Variants in VPS35L observed in about 807,000 individuals in gnomAD.
VPS35L encodes VPS35 endosomal protein-sorting factor-like.
In VPS35L, 83 loss-of-function variants were observed where a neutral mutation model predicts 133.0. The observed-to-expected ratio is 0.62, with a 90% CI of 0.52 to 0.75. VPS35L has a LOEUF of 0.75. Among genes scored for constraint, VPS35L ranks in the 30% least tolerant of loss-of-function variants. The pLI is 0.00. For missense variants in VPS35L, 1,083 were observed against 1,206.8 expected, an observed-to-expected ratio of 0.90 and a Z score of 1.52; for synonymous variants, 423 against 449.9, an observed-to-expected ratio of 0.94 and a Z score of 0.76.
In VPS35L at chr16:19,570,870, T is replaced by C. The variant is rs1438800976; in HGVS notation, c.285+1279T>C. 8.2e-5 allele frequency among the ~76,000 whole-genome samples: 7 copies of C among 85,406 alleles called. 1 individual carries two copies. Among genetic ancestry groups the C allele is most frequent in the African/African-American group, 3.6e-4 (6 of 16,728 alleles). 56.0% of individuals were successfully genotyped at this position (85,406 alleles called of 152,430 possible). ...ATATATATATATATATATATATATA[T>C]ATATATATATATATATATATTTTTG... On this transcript the variant is annotated intron_variant, in intron 3 of 30. Transcript: ENST00000417362.
intron 28 of VPS35L, among the ~76,000 whole-genome samples, chr16:19,683,134 G>A (rs897571295): frequency 6.6e-6 from 1 of 151,780 alleles, no homozygotes; most frequent in Non-Finnish European, 1.5e-5. Flanking sequence ...ACCATGTTAC[G>A]CTGGTCTCAA....
At chr16:19,683,874 C>T (rs62024111) in intron 28 of VPS35L, among the ~76,000 whole-genome samples, 6,662 of 152,266 alleles carry the variant, frequency 0.044, 256 homozygotes, top group East Asian at 0.12. Context: ...GAGAAATCTC[C>T]AAAACTGCTT....
chr16:19,581,683 C>CCCACA, intron 7 of VPS35L, 30 bp downstream of exon 7: 1 of 1,607,676 alleles, frequency 6.2e-7, no homozygotes, highest in Non-Finnish European at 8.5e-7. Flanking sequence ...CACCCCCACC[C>CCCACA]AGAATTTCCT....
rs1164270968 is a variant in VPS35L at position 19,691,353 on chromosome 16, T to C, written c.2528T>C (p.Val843Ala). 2 of 1,611,840 alleles carry C rather than the reference T, an allele frequency of 1.2e-6. No individual in the cohort carries two copies. Among genetic ancestry groups the C allele is most frequent in the Non-Finnish European group, 1.7e-6 (2 of 1,178,054 alleles). Reference protein sequence around the residue: ...QETYLYHIDKVDSNDSLYGGD... With the variant: ...QETYLYHIDKADSNDSLYGGD... ...CTCACTGTTCTTGTTTGTTCAACAGTGGACTCCAACGACAGCCTCTACGGG... is the reference window on the plus strand; with the variant it reads ...CTCACTGTTCTTGTTTGTTCAACAGCGGACTCCAACGACAGCCTCTACGGG... The change falls in exon 29 of 31, where the codon GTG (valine) becomes GCG (alanine). Residue 843 changes from valine (V) to alanine (A), a missense_variant and splice_region_variant. Transcript: ENST00000417362.
At chr16:19,570,569 T>A (rs766115462) in intron 3 of VPS35L, among the ~76,000 whole-genome samples, 2 of 151,954 alleles carry the variant, frequency 1.3e-5, no homozygotes, top group South Asian at 2.1e-4. Context: ...TGTATTTTCA[T>A]AGATACTTGC....
intron 7 of VPS35L, 125 bp downstream of exon 7, chr16:19,581,778 A>G (rs1003432556): frequency 2.7e-6 from 3 of 1,119,718 alleles, no homozygotes; most frequent in African/African-American, 1.7e-5. Flanking sequence ...TTTCTTTTTC[A>G]TATACTTCCT....
intron 14 of VPS35L, among the ~76,000 whole-genome samples, chr16:19,620,857 A>G (rs943019877): frequency 2.6e-5 from 4 of 152,164 alleles, no homozygotes; most frequent in African/African-American, 9.7e-5. Flanking sequence ...AGGCTGAGGC[A>G]GGGGGATTAC....
chr16:19,696,239 C>G (rs2151630972), intron 29 of VPS35L, among the ~76,000 whole-genome samples: 1 of 152,252 alleles, frequency 6.6e-6, no homozygotes, highest in African/African-American at 2.4e-5. Context: ...TACTGGAGTC[C>G]TCTGAAGTCT....
At chr16:19,652,165 T>C in intron 26 of VPS35L, 75 bp downstream of exon 26, 2 of 1,022,628 alleles carry the variant, frequency 2.0e-6, no homozygotes, top group Admixed American at 2.1e-5. Context: ...TGCGTATGTG[T>C]GTAGAGAGAG....
intron 5 of VPS35L, among the ~76,000 whole-genome samples, chr16:19,575,576 A>T (rs931847783): frequency 4.5e-4 from 66 of 148,216 alleles, no homozygotes; most frequent in Non-Finnish European, 1.6e-4. Flanking sequence ...AAAAAAAAAA[A>T]ATACAGCCGG....
At chr16:19,585,934 A>G (rs141028166) in intron 7 of VPS35L, among the ~76,000 whole-genome samples, 7 of 151,890 alleles carry the variant, frequency 4.6e-5, no homozygotes, top group African/African-American at 1.7e-4. Flanking sequence ...GTCTTGCTCT[A>G]TGACTCCAGA....
At position 19,699,498 on chromosome 16, in the gene VPS35L, T is replaced by G; in HGVS notation, c.2647-4T>G. 1 of 1,614,044 alleles carries G rather than the reference T, an allele frequency of 6.2e-7. No individual in the cohort carries two copies. The highest frequency in any genetic ancestry group is 8.5e-7 in the Non-Finnish European group (1 of 1,179,914). On this transcript the variant is annotated splice_region_variant and splice_polypyrimidine_tract_variant and intron_variant, in intron 29 of 30. Coordinates refer to ENST00000417362, the MANE Select transcript of VPS35L (RefSeq NM_020314.7). The surrounding 1 kb of genome is among the most constrained non-coding windows in gnomAD (Gnocchi z 4.2). ...AAGGCAGTAACCTCCCTTTTCTGTT[T>G]CAGGCCCTGAAGCGCCAGAGCTCGT...
At chr16:19,682,723 C>T (rs1975331400) in intron 28 of VPS35L, among the ~76,000 whole-genome samples, 2 of 152,144 alleles carry the variant, frequency 1.3e-5, no homozygotes, top group Admixed American at 1.3e-4. Flanking sequence ...TTAGCCAGGC[C>T]TGATGGTGCA....
At chr16:19,611,386 A>G (rs1395221744) in intron 12 of VPS35L, among the ~76,000 whole-genome samples, 2 of 152,116 alleles carry the variant, frequency 1.3e-5, no homozygotes, top group East Asian at 1.9e-4. Context: ...AATCTTCCCT[A>G]TCGTCCCATC....
intron 26 of VPS35L, chr16:19,652,702 G>A (rs1974173577): frequency 6.6e-6 from 1 of 152,366 alleles, no homozygotes; most frequent in Non-Finnish European, 1.5e-5. Context: ...CCTGGAGAAA[G>A]TGAGACATGA....
At position 19,569,497 on chromosome 16, in the gene VPS35L, C is replaced by T. The variant is rs764172168; in HGVS notation, c.191C>T (p.Ser64Phe). The T allele has an allele frequency of 4.3e-6, 7 of 1,610,608 alleles. No individual in the cohort carries two copies. The South Asian group carries it at 5.5e-5, about 13-fold the overall frequency. Residue 64 changes from serine to phenylalanine, a missense_variant, in exon 3 of 31, where the codon TCC becomes TTC. Ser to Phe is a radical substitution (Grantham distance 155, BLOSUM62 -2). Transcript: ENST00000417362. ...TCCACGTCCTCCTCCTCCTCCAGCT[C>T]CGTGGTGGACCCGCTGAGCAGCGTC... ...TSSTSSSSSSSVVDPLSSVLD... is the reference protein window; with the variant it reads ...TSSTSSSSSSFVVDPLSSVLD...
At chr16:19,665,405 C>T (rs1418570441) in intron 26 of VPS35L, among the ~76,000 whole-genome samples, 1 of 152,182 alleles carries the variant, frequency 6.6e-6, no homozygotes, top group African/African-American at 2.4e-5. Context: ...TTGTTTTTAG[C>T]TCCCACAAAT....
intron 2 of VPS35L, among the ~76,000 whole-genome samples, chr16:19,568,872 C>G (rs1971272596): frequency 6.6e-6 from 1 of 152,078 alleles, no homozygotes; most frequent in African/African-American, 2.4e-5. Context: ...TCTCAAACTC[C>G]TGGCTTCAAG....
At chr16:19,597,414 G>A (rs944942937) in intron 8 of VPS35L, among the ~76,000 whole-genome samples, 1 of 151,974 alleles carries the variant, frequency 6.6e-6, no homozygotes, top group Non-Finnish European at 1.5e-5. Context: ...ACTACATGTT[G>A]GTATTCACTT....
Sources: allele counts gnomAD v4.1 joint callset (sites outside exome capture counted in the v4.1 genomes callset), GRCh38; gene constraint gnomAD v4.1.1; non-coding constraint Gnocchi (gnomAD v3.1); transcripts MANE v1.5; gene names NCBI Gene and HGNC (gene_info 2026-07-23, HGNC 2026-07-21).